Variants in DYNLRB2 observed in about 807,000 individuals in gnomAD.
DYNLRB2 encodes the protein bithoraxoid-like protein.
DYNLRB2 carries 14 observed loss-of-function variants against 12.6 expected under a neutral mutation model. That is an observed-to-expected ratio of 1.11 (90% confidence interval 0.73 to 1.73). The LOEUF (loss-of-function observed/expected upper bound fraction) is 1.73. DYNLRB2 is among the 40% of genes most tolerant of loss of function. The pLI is 0.00. For missense variants in DYNLRB2, 142 were observed against 117.7 expected (o/e 1.21, Z -0.95); for synonymous variants, 53 against 37.0 (o/e 1.43, Z -1.57).
chr16:80,545,832 C>A (rs1270095075), intron 2 of DYNLRB2, among the ~76,000 whole-genome samples: 1 of 101,158 alleles, frequency 9.9e-6, no homozygotes, highest in African/African-American at 3.6e-5. Context: ...CCCGCCACCA[C>A]GCCTGGCTAA....
intron 2 of DYNLRB2, among the ~76,000 whole-genome samples, chr16:80,543,679 G>A (rs1334744348): frequency 6.6e-6 from 1 of 152,172 alleles, no homozygotes; most frequent in Admixed American, 6.5e-5. Context: ...ATAGAAGATA[G>A]GGAGAATATC....
Position 80,549,633 on chromosome 16 carries a change from G to C in DYNLRB2, c.229G>C (p.Glu77Gln). The change falls in exon 3 of 4, where the codon GAA (glutamate) becomes CAA (glutamine). Residue 77 changes from glutamate to glutamine, a missense_variant. Physicochemically the swap from Glu to Gln is conservative, Grantham distance 29 (BLOSUM62 2). Coordinates refer to ENST00000305904, the MANE Select transcript of DYNLRB2 (RefSeq NM_130897.3). ...TFLRIRSKKH[E>Q]IMVAPDKEYL... is the part of the protein sequence containing the mutation. Reference sequence around the variant, plus strand: ...TCTTAGGATCAGATCAAAGAAACATGAAATCATGGTAGCTCCAGGTAATTT... The same window carrying C: ...TCTTAGGATCAGATCAAAGAAACATCAAATCATGGTAGCTCCAGGTAATTT... The C allele has an allele frequency of 1.2e-6, 2 of 1,603,180 alleles. No homozygotes were observed. Among genetic ancestry groups the C allele is most frequent in the Non-Finnish European group, 1.7e-6 (2 of 1,171,706 alleles).
rs989167949 is a variant in DYNLRB2 at position 80,550,758 on chromosome 16, C to G, written c.*200C>G. ...ACTTTAGTGATACAATAAGTGAATT[C>G]TGGTATATACGTCTCTATTGTCTTA... On this transcript the variant is annotated 3_prime_UTR_variant, in exon 4 of 4. Coordinates refer to ENST00000305904, the MANE Select transcript of DYNLRB2 (RefSeq NM_130897.3). 3 of 605,974 alleles carry G rather than the reference C, an allele frequency of 5.0e-6. No homozygotes were observed. The African/African-American group carries it at 5.5e-5, about 11-fold the overall frequency. 37.5% of individuals were successfully genotyped at this position (605,974 alleles called of 1,614,324 possible). A position where few individuals can be genotyped will look rare whatever the true frequency, so the allele number is the denominator to read the frequency against.
In DYNLRB2 at chr16:80,543,335, G is replaced by C; in HGVS notation, c.63G>C (p.Met21Ile). Residue 21 changes from methionine to isoleucine, a missense_variant, in exon 2 of 4, where the codon ATG (methionine) becomes ATC (isoleucine). By Grantham distance (10) the Met-to-Ile change is conservative. Coordinates refer to ENST00000305904, the MANE Select transcript of DYNLRB2 (RefSeq NM_130897.3). ...IQSHKGVIGT[M>I]VVNAEGIPIR... ...GTCATAAAGGGGTTATTGGAACTAT[G>C]GTTGTAAATGCAGAAGGTAAATATA... 3.1e-6 allele frequency: 5 copies of C among 1,613,986 alleles called. No homozygotes were observed. Among genetic ancestry groups the C allele is most frequent in the Non-Finnish European group, 4.2e-6 (5 of 1,179,890 alleles).
intron 2 of DYNLRB2, among the ~76,000 whole-genome samples, chr16:80,544,178 C>A (rs1265448019): frequency 1.3e-5 from 2 of 152,188 alleles, no homozygotes; most frequent in Non-Finnish European, 2.9e-5. Context: ...AACTGAAAGT[C>A]TGCTTAAATT....
upstream of DYNLRB2, chr16:80,540,855 G>A (rs750981612): frequency 5.1e-6 from 4 of 786,642 alleles, no homozygotes; most frequent in African/African-American, 1.7e-5. Context: ...CGAACCTCAG[G>A]TGAGCGCCTG....
At position 80,548,740 on chromosome 16, in the gene DYNLRB2, AAATAG is replaced by A. The variant is rs1468597568; in HGVS notation, c.80-742_80-738del. ...AGACTCCGTCTCAAAAAAAAAAAAAAAATAGAGCACCCAAGTAGCCAAATTTAATA... is the reference window on the plus strand; with the variant it reads ...AGACTCCGTCTCAAAAAAAAAAAAAAAGCACCCAAGTAGCCAAATTTAATA... On this transcript the variant is annotated intron_variant, in intron 2 of 3. Transcript: ENST00000305904. Among the ~76,000 whole-genome samples, 7 of 148,832 alleles carry A rather than the reference AAATAG, an allele frequency of 4.7e-5. No homozygotes were observed. In the South Asian group the frequency reaches 8.4e-4, roughly 18 times the overall value.
chr16:80,541,351 G>C (rs533269900), intron 1 of DYNLRB2: 1 of 984,618 alleles, frequency 1.0e-6, no homozygotes, highest in Non-Finnish European at 1.2e-6. Context: ...GAGAGATTCA[G>C]AGGATGAAGA....
upstream of DYNLRB2, chr16:80,540,953 G>A: frequency 6.5e-7 from 1 of 1,543,760 alleles, no homozygotes; most frequent in Non-Finnish European, 8.8e-7. Flanking sequence ...CGAGCGCGCA[G>A]GCGCAGCCCT....
chr16:80,545,879 C>G (rs1490423031), intron 2 of DYNLRB2, among the ~76,000 whole-genome samples: 1 of 150,492 alleles, frequency 6.6e-6, no homozygotes, highest in African/African-American at 2.4e-5. Flanking sequence ...GATGGGGTTT[C>G]ACCATGGTTT....
chr16:80,550,670 T>G lies in DYNLRB2; in HGVS notation c.*112T>G. On this transcript the variant is annotated 3_prime_UTR_variant, in exon 4 of 4. Transcript: ENST00000305904. ...CTGACCCTTCAAACATTCTTTTCTA[T>G]TTCTATATCTAAACTGTTCTGCATG... 1 of 1,195,262 alleles carries G rather than the reference T, an allele frequency of 8.4e-7. No homozygotes were observed. The allele number at this position is 1,195,262 out of a possible 1,614,324, so 74.0% of individuals were successfully genotyped here. A position where few individuals can be genotyped will look rare whatever the true frequency, so the allele number is the denominator to read the frequency against.
At chr16:80,544,596 C>T (rs1222225614) in intron 2 of DYNLRB2, 1 of 152,152 alleles carries the variant, frequency 6.6e-6, no homozygotes, top group African/African-American at 2.4e-5. Context: ...GAAGATGAGC[C>T]GTCCATGTGA....
At chr16:80,541,876 G>A (rs1174459220) in intron 1 of DYNLRB2, among the ~76,000 whole-genome samples, 6 of 152,162 alleles carry the variant, frequency 3.9e-5, no homozygotes, top group Non-Finnish European at 7.4e-5. Context: ...CCTGTTCAAC[G>A]CTTACGGTTT....
chr16:80,549,425 C>A (rs2142315360), intron 2 of DYNLRB2, 59 bp from the exon 3 acceptor site: 1 of 1,469,514 alleles, frequency 6.8e-7, no homozygotes, highest in Admixed American at 2.1e-5. Context: ...TACTTCCACA[C>A]TGTACTTATT....
chr16:80,543,866 T>C (rs1221242173), intron 2 of DYNLRB2, among the ~76,000 whole-genome samples: 1 of 152,214 alleles, frequency 6.6e-6, no homozygotes, highest in Non-Finnish European at 1.5e-5. Context: ...TATTTCCAAC[T>C]ATGAAATCTG....
rs372404050 is a variant in DYNLRB2, at chr16:80,550,545, A to T, written c.278A>T (p.Asn93Ile). The T allele has an allele frequency of 7.4e-6, 12 of 1,614,096 alleles. No individual in the cohort carries two copies. In the African/African-American group the frequency reaches 1.6e-4, roughly 22 times the overall value. The change falls in exon 4 of 4, where the codon AAT (asparagine) becomes ATT (isoleucine). Residue 93 changes from asparagine (N) to isoleucine (I), a missense_variant. By Grantham distance (149) the Asn-to-Ile change is moderately radical. Transcript: ENST00000305904. ...GAATATCTTCTGATCGTCATTCAGA[A>T]TCCATGTGAATAGACCTGCGATGGC... is the stretch of plus-strand genomic sequence containing the variant. ...DKEYLLIVIQ[N>I]PCE
chr16:80,540,793 A>T, upstream of DYNLRB2: 1 of 704,698 alleles, frequency 1.4e-6, no homozygotes. Context: ...ACAGGCCGGG[A>T]GCCTGACCCA....
chr16:80,550,623 T>C lies in DYNLRB2; in HGVS notation c.*65T>C. On this transcript the variant is annotated 3_prime_UTR_variant, in exon 4 of 4. Coordinates refer to ENST00000305904, the MANE Select transcript of DYNLRB2 (RefSeq NM_130897.3). ...GAAACACTTGGCTCTCTCATGAGTA[T>C]TAAAATTCTATTTCAATCTAACTGA... 1 of 1,553,054 alleles carries C rather than the reference T, an allele frequency of 6.4e-7. No individual in the cohort carries two copies. The highest frequency in any genetic ancestry group is 1.7e-5 in the Admixed American group (1 of 59,748).
At chr16:80,545,543 T>G (rs556722454) in intron 2 of DYNLRB2, among the ~76,000 whole-genome samples, 2 of 152,192 alleles carry the variant, frequency 1.3e-5, no homozygotes, top group Admixed American at 6.5e-5. Flanking sequence ...TAGGGATATG[T>G]TACAGTGATC....
Sources: allele counts gnomAD v4.1 joint callset (sites outside exome capture counted in the v4.1 genomes callset), GRCh38; gene constraint gnomAD v4.1.1; transcripts MANE v1.5; gene names NCBI Gene and HGNC (gene_info 2026-07-23, HGNC 2026-07-21).